DYRK1A: variants seen among roughly 807,000 people sequenced by gnomAD.
DYRK1A encodes dual specificity tyrosine phosphorylation regulated kinase 1A.
Under a neutral mutation model 79.7 loss-of-function variants are expected in DYRK1A, and 9 were observed. The ratio of observed to expected loss-of-function variants is 0.11; its 90% CI spans 0.07 to 0.20. The LOEUF (loss-of-function observed/expected upper bound fraction) is 0.20, where lower values mean the gene tolerates loss of function less well. Ranked by LOEUF, DYRK1A falls within the 10% of genes least tolerant of loss-of-function variation. The pLI is 1.00. For missense variants in DYRK1A, 622 were observed against 956.0 expected (o/e 0.65, Z 4.61); for synonymous variants, 349 against 329.7 (o/e 1.06, Z -0.63).
At chr21:37,464,259 T>A in intron 2 of DYRK1A, 1 of 478,896 alleles carries the variant, frequency 2.1e-6, no homozygotes, top group Non-Finnish European at 4.1e-6. Context: ...ATGAAATATT[T>A]CTCTGTAGAA....
At chr21:37,373,940 G>A (rs2049484664) in intron 1 of DYRK1A, among the ~76,000 whole-genome samples, 1 of 150,756 alleles carries the variant, frequency 6.6e-6, no homozygotes, top group East Asian at 1.9e-4. Context: ...TAGTTAATAA[G>A]TTTATTTTCT....
chr21:37,372,657 C>T (rs1429140722), intron 1 of DYRK1A, among the ~76,000 whole-genome samples: 1 of 152,048 alleles, frequency 6.6e-6, no homozygotes, highest in East Asian at 1.9e-4. Context: ...ACATCAGTTC[C>T]CTCATCTGTA....
rs115265049 is a variant in DYRK1A, at chr21:37,401,205, G to A, written c.-76-19094G>A. ...ATATTTTTCTTATTGTGCTATATTA[G>A]GTAGTTAATTTTGGACTGGTCTAAT... On this transcript the variant is annotated intron_variant, in intron 1 of 11. Transcript: ENST00000647188. 9.0e-3 allele frequency among the ~76,000 whole-genome samples: 1,372 copies of A among 152,042 alleles called. 20 individuals are homozygous for A. Among genetic ancestry groups the A allele is most frequent in the African/African-American group, 0.032 (1,316 of 41,454 alleles).
chr21:37,391,302 C>G (rs2049865709), intron 1 of DYRK1A, among the ~76,000 whole-genome samples: 1 of 152,102 alleles, frequency 6.6e-6, no homozygotes, highest in South Asian at 2.1e-4. Context: ...GATACATGAG[C>G]TAGTTTCCTT....
At chr21:37,432,761 A>T (rs2050811558) in intron 2 of DYRK1A, among the ~76,000 whole-genome samples, 1 of 152,116 alleles carries the variant, frequency 6.6e-6, no homozygotes, top group Non-Finnish European at 1.5e-5. Context: ...CAGATAAAAA[A>T]AAGTTAACAG....
chr21:37,384,318 T>G (rs1015510705), intron 1 of DYRK1A, among the ~76,000 whole-genome samples: 3 of 152,162 alleles, frequency 2.0e-5, no homozygotes, highest in Non-Finnish European at 4.4e-5. Context: ...AAAGAACAGT[T>G]TCTGGGGGAG....
At chr21:37,467,799 A>G (rs1180880602) in intron 2 of DYRK1A, among the ~76,000 whole-genome samples, 1 of 152,164 alleles carries the variant, frequency 6.6e-6, no homozygotes, top group Non-Finnish European at 1.5e-5. Context: ...TCCAAGATTG[A>G]GAATATGTGA....
At chr21:37,491,186 G>A (rs757715759) in intron 7 of DYRK1A, among the ~76,000 whole-genome samples, 2 of 152,104 alleles carry the variant, frequency 1.3e-5, no homozygotes, top group South Asian at 2.1e-4. Context: ...AGATGTGTTC[G>A]TAGTGCTGAT....
chr21:37,422,168 T>A (rs2050493738), intron 2 of DYRK1A, among the ~76,000 whole-genome samples: 1 of 152,178 alleles, frequency 6.6e-6, no homozygotes, highest in South Asian at 2.1e-4. Flanking sequence ...CCTTGTATTC[T>A]TTAAAAATTG....
At chr21:37,497,514 C>G (rs1011428015) in intron 9 of DYRK1A, among the ~76,000 whole-genome samples, 1 of 152,182 alleles carries the variant, frequency 6.6e-6, no homozygotes, top group African/African-American at 2.4e-5. Context: ...TCCTTACTAG[C>G]TTCACCAGCA....
rs554333396 is a variant in DYRK1A at position 37,422,377 on chromosome 21, C to T, written c.10+1993C>T. 1.2e-4 allele frequency among the ~76,000 whole-genome samples: 18 copies of T among 152,226 alleles called. No homozygotes were observed. The East Asian group carries it at 2.1e-3, about 18-fold the overall frequency. On this transcript the variant is annotated intron_variant, in intron 2 of 11. Transcript: ENST00000647188. ...TTGTATTACTATGCACACATTTATTCGACTGATAGAATTTCAACACATTAA... is the reference window on the plus strand; with the variant it reads ...TTGTATTACTATGCACACATTTATTTGACTGATAGAATTTCAACACATTAA...
chr21:37,366,501 C>T (rs973361932), upstream of DYRK1A, among the ~76,000 whole-genome samples: 8 of 149,536 alleles, frequency 5.3e-5, no homozygotes, highest in Non-Finnish European at 1.2e-4. Flanking sequence ...TACCCTCCCT[C>T]GGCCTAGCCG....
chr21:37,472,087 T>C (rs897914557), intron 2 of DYRK1A, among the ~76,000 whole-genome samples: 1 of 152,164 alleles, frequency 6.6e-6, no homozygotes, highest in African/African-American at 2.4e-5. Flanking sequence ...CTAGATTCCC[T>C]TAGGACTGTT....
rs1408024013 is a variant in DYRK1A at position 37,367,039 on chromosome 21, T to TGCCGCC, written c.-661_-656dup. On this transcript the variant is annotated 5_prime_UTR_variant, in exon 1 of 12. Coordinates refer to ENST00000647188, the MANE Select transcript of DYRK1A (RefSeq NM_001347721.2). ...TTCCTGCTGCTGCTGTTGGTGCCGCTGCCGCCGCCGGCGAGCAGGCGGGAC... is the reference window on the plus strand; with the variant it reads ...TTCCTGCTGCTGCTGTTGGTGCCGCTGCCGCCGCCGCCGCCGGCGAGCAGGCGGGAC... The TGCCGCC allele has an allele frequency of 1.2e-5, 2 of 161,038 alleles. No individual in the cohort carries two copies. Among genetic ancestry groups the TGCCGCC allele is most frequent in the South Asian group, 2.6e-4 (2 of 7,576 alleles). The allele number at this position is 161,038 out of a possible 1,614,324, so 10.0% of individuals were successfully genotyped here. A position where few individuals can be genotyped will look rare whatever the true frequency, so the allele number is the denominator to read the frequency against.
chr21:37,498,886 A>G (rs1057037211), intron 9 of DYRK1A, among the ~76,000 whole-genome samples: 1 of 152,152 alleles, frequency 6.6e-6, no homozygotes, highest in Non-Finnish European at 1.5e-5. Flanking sequence ...TTGCATTTGC[A>G]TTTCTTCATG....
chr21:37,450,938 C>T (rs1322710193), intron 2 of DYRK1A, among the ~76,000 whole-genome samples: 1 of 152,132 alleles, frequency 6.6e-6, no homozygotes, highest in African/African-American at 2.4e-5. Flanking sequence ...GCATATACGA[C>T]AGTATTCCCC....
rs2053292651 is a variant in DYRK1A at position 37,497,067 on chromosome 21, AGTC to A, written c.1212+810_1212+812del. ...CCCCACACACACATGTACATACAGA[AGTC>A]ACCTTGAGATCATAGTTTTGCATTT... is the stretch of plus-strand genomic sequence containing the variant. On this transcript the variant is annotated intron_variant, in intron 9 of 11. Transcript: ENST00000647188. 2.0e-5 allele frequency among the ~76,000 whole-genome samples: 3 copies of A among 152,202 alleles called. No individual in the cohort carries two copies. In the South Asian group the frequency reaches 6.2e-4, roughly 31 times the overall value.
At chr21:37,409,120 G>C (rs1319269379) in intron 1 of DYRK1A, among the ~76,000 whole-genome samples, 1 of 152,188 alleles carries the variant, frequency 6.6e-6, no homozygotes, top group Non-Finnish European at 1.5e-5. Context: ...CAAAAGAGTG[G>C]TATTTGGGTA....
rs192660942 is a variant in DYRK1A, at chr21:37,462,404, T to C, written c.11-10280T>C. 3.0e-4 allele frequency among the ~76,000 whole-genome samples: 45 copies of C among 152,352 alleles called. No homozygotes were observed. The East Asian group carries it at 7.5e-3, about 25-fold the overall frequency. ...GGCCAGCCTTTACTGTAGGGCTGGA[T>C]TAGCCCTAGCCCTAAATGTGGATTT... On this transcript the variant is annotated intron_variant, in intron 2 of 11. Transcript: ENST00000647188.
Sources: allele counts gnomAD v4.1 joint callset (sites outside exome capture counted in the v4.1 genomes callset), GRCh38; gene constraint gnomAD v4.1.1; transcripts MANE v1.5; gene names NCBI Gene and HGNC (gene_info 2026-07-23, HGNC 2026-07-21).